Variants in KCNAB2 observed in about 807,000 individuals in gnomAD.
KCNAB2 encodes potassium voltage-gated channel subfamily A regulatory beta subunit 2.
KCNAB2 carries 29 observed loss-of-function variants against 63.6 expected under a neutral mutation model. The ratio of observed to expected loss-of-function variants is 0.46; its 90% confidence interval spans 0.34 to 0.62. The LOEUF is 0.62. Among genes scored for constraint, KCNAB2 ranks in the 20% least tolerant of loss-of-function variants. KCNAB2 has a pLI of 0.01. For synonymous variants in KCNAB2, 222 were observed against 224.2 expected (o/e 0.99, Z 0.09); for missense variants, 359 against 563.9 (o/e 0.64, Z 3.68).
rs148337808 is a variant in KCNAB2, at chr1:5,994,232, G to T, written c.-53+1444G>T. Among the ~76,000 whole-genome samples the T allele has an allele frequency of 8.7e-3, 1,320 of 152,196 alleles. 20 individuals are homozygous for T. Among genetic ancestry groups the T allele is most frequent in the African/African-American group, 0.029 (1,222 of 41,504 alleles). ...AGTGCCAAGAGTAAGCTCCTGCTCT[G>T]CTAAGGAAGCCGCATTCAGGCCCCG... On this transcript the variant is annotated intron_variant, in intron 1 of 16. Coordinates refer to the KCNAB2 transcript ENST00000341524. The surrounding 1 kb of genome is among the most constrained non-coding windows in gnomAD (Gnocchi z 5.4).
chr1:6,034,617 A>C (rs1215652238), exon 1 of KCNAB2: 1 of 152,140 alleles, frequency 6.6e-6, no homozygotes, highest in Non-Finnish European at 1.5e-5. Context: ...AGCTGCCCTG[A>C]GCACCCCCAC....
intron 15 of KCNAB2, chr1:6,098,169 G>T: frequency 9.1e-7 from 1 of 1,098,106 alleles, no homozygotes; most frequent in Non-Finnish European, 1.1e-6. Flanking sequence ...GGAAAAAGCA[G>T]TCACGGACAT....
chr1:6,075,593 A>G (rs1159274506), intron 4 of KCNAB2, among the ~76,000 whole-genome samples: 1 of 152,158 alleles, frequency 6.6e-6, no homozygotes, highest in African/African-American at 2.4e-5. Context: ...AAATCAATAC[A>G]TCTAGAAGGG....
At chr1:6,072,621 C>G in intron 2 of KCNAB2, 134 bp from the exon 3 acceptor site, 1 of 930,560 alleles carries the variant, frequency 1.1e-6, no homozygotes, top group Non-Finnish European at 1.7e-6. Context: ...TGAAGGTCCC[C>G]GGTGCCTTTC....
At position 6,074,537 on chromosome 1, in the gene KCNAB2, C is replaced by T. The variant is rs1470292441; in HGVS notation, c.300+767C>T. Among the ~76,000 whole-genome samples, 1 of 152,194 alleles carries T rather than the reference C, an allele frequency of 6.6e-6. No homozygotes were observed. The highest frequency in any genetic ancestry group is 1.9e-4 in the East Asian group (1 of 5,202). On this transcript the variant is annotated intron_variant, in intron 4 of 15. Coordinates refer to ENST00000378083, the MANE Select transcript of KCNAB2 (RefSeq NM_001199862.2). The surrounding 1 kb of genome is among the most constrained non-coding windows in gnomAD (Gnocchi z 4.9). The stretch of plus-strand genomic sequence containing the variant: ...ATCCTACTTAGCACTAGAAAGGTTG[C>T]GTTTAAAAATTGATCAGCGAATTGA...
At chr1:6,051,800 G>A (rs1661421099) in intron 2 of KCNAB2, 46 bp downstream of exon 2, 2 of 1,506,918 alleles carry the variant, frequency 1.3e-6, no homozygotes, top group Non-Finnish European at 1.8e-6. Context: ...TCTGATTTCA[G>A]CCATATAAAT....
chr1:6,059,178 G>A (rs1662097297), intron 2 of KCNAB2, among the ~76,000 whole-genome samples: 1 of 151,760 alleles, frequency 6.6e-6, no homozygotes, highest in South Asian at 2.1e-4. Flanking sequence ...GGCCATACCT[G>A]TTTTTCCTGT....
In KCNAB2 at chr1:6,054,190, G is replaced by A. The variant is rs190992288; in HGVS notation, c.218+2436G>A. On this transcript the variant is annotated intron_variant, in intron 2 of 15. Transcript: ENST00000378083. ...ACTGGTGTCCTTATAAGAAGGCCAT[G>A]TGGTGATAGAGAGTGGAGTGACGGG... Among the ~76,000 whole-genome samples, 94 of 152,330 alleles carry A rather than the reference G, an allele frequency of 6.2e-4. 2 individuals carry two copies. Among genetic ancestry groups the A allele is most frequent in the African/African-American group, 2.1e-3 (88 of 41,576 alleles).
intron 4 of KCNAB2, among the ~76,000 whole-genome samples, chr1:6,081,020 G>A (rs960874854): frequency 6.6e-6 from 1 of 152,230 alleles, no homozygotes. Flanking sequence ...AGAGCCAGAA[G>A]CTCAGGGGCA....
intron 1 of KCNAB2, among the ~76,000 whole-genome samples, chr1:6,047,572 G>A (rs1278672384): frequency 6.6e-6 from 1 of 152,180 alleles, no homozygotes; most frequent in Non-Finnish European, 1.5e-5. Flanking sequence ...GAGGTAGGAA[G>A]CCAGCCCCGC....
intron 1 of KCNAB2, among the ~76,000 whole-genome samples, chr1:5,998,795 A>C (rs960727472): frequency 5.9e-5 from 9 of 152,190 alleles, no homozygotes; most frequent in African/African-American, 1.9e-4. Flanking sequence ...CTCGCCAACC[A>C]ACTTATACCC....
At chr1:6,021,422 T>C (rs769097129) in intron 1 of KCNAB2, among the ~76,000 whole-genome samples, 9 of 152,384 alleles carry the variant, frequency 5.9e-5, no homozygotes, top group Admixed American at 3.9e-4. Flanking sequence ...GTTTTTTCTA[T>C]TGTGGTAAAG....
chr1:6,095,953 C>T (rs1327506958), intron 13 of KCNAB2, among the ~76,000 whole-genome samples: 2 of 149,076 alleles, frequency 1.3e-5, no homozygotes, highest in African/African-American at 4.9e-5. Context: ...GCATTCAGAA[C>T]TCTGAGACCC....
chr1:6,015,106 A>T (rs1658418528), intron 1 of KCNAB2, among the ~76,000 whole-genome samples: 1 of 135,460 alleles, frequency 7.4e-6, no homozygotes, highest in East Asian at 2.2e-4. Flanking sequence ...ATCTCAGCTC[A>T]CCACAACTTC....
In KCNAB2 at chr1:6,028,574, GCATTA is replaced by G. The variant is rs1297745773; in HGVS notation, c.-52-11941_-52-11937del. On this transcript the variant is annotated intron_variant, in intron 1 of 16. Coordinates refer to the KCNAB2 transcript ENST00000341524. The surrounding 1 kb of genome is among the most constrained non-coding windows in gnomAD (Gnocchi z 4.0). ...CCATCCCTTCTGCGATGTTCACTAG[GCATTA>G]CCACATGCTGGTGGCCGCTCTGGGT... is the stretch of plus-strand genomic sequence containing the variant. Among the ~76,000 whole-genome samples, 2 of 152,184 alleles carry G rather than the reference GCATTA, an allele frequency of 1.3e-5. No individual in the cohort carries two copies. Among genetic ancestry groups the G allele is most frequent in the Non-Finnish European group, 2.9e-5 (2 of 68,038 alleles).
At chr1:6,062,352 C>A (rs1397907340) in intron 2 of KCNAB2, among the ~76,000 whole-genome samples, 1 of 151,938 alleles carries the variant, frequency 6.6e-6, no homozygotes, top group African/African-American at 2.4e-5. Flanking sequence ...AAATTTCTAC[C>A]TTGGGTTCTC....
At chr1:6,013,777 G>A (rs935085222) in intron 1 of KCNAB2, among the ~76,000 whole-genome samples, 3 of 151,982 alleles carry the variant, frequency 2.0e-5, no homozygotes, top group Non-Finnish European at 4.4e-5. Flanking sequence ...GCATTGCCTC[G>A]GAGACTCCTG....
chr1:6,046,698 C>T (rs1208557749), intron 1 of KCNAB2, among the ~76,000 whole-genome samples: 1 of 152,168 alleles, frequency 6.6e-6, no homozygotes, highest in Non-Finnish European at 1.5e-5. Context: ...GAAGCAATGC[C>T]GTGTCTTGTA....
chr1:6,007,106 G>A (rs1294825318), intron 1 of KCNAB2, among the ~76,000 whole-genome samples: 4 of 152,102 alleles, frequency 2.6e-5, no homozygotes, highest in South Asian at 2.1e-4. Flanking sequence ...CGACCTCTCC[G>A]AGGCTGCCAT....
Sources: allele counts gnomAD v4.1 joint callset (sites outside exome capture counted in the v4.1 genomes callset), GRCh38; gene constraint gnomAD v4.1.1; non-coding constraint Gnocchi (gnomAD v3.1); transcripts MANE v1.5; gene names NCBI Gene and HGNC (gene_info 2026-07-23, HGNC 2026-07-21).